Variants in MTERF3 observed in about 807,000 individuals in gnomAD.
The protein encoded by MTERF3 is mitochondrial transcription termination factor 3.
In MTERF3, 40 loss-of-function variants were observed where a neutral mutation model predicts 40.5. The ratio of observed to expected loss-of-function variants is 0.99; its 90% CI spans 0.77 to 1.29. The LOEUF is 1.29. MTERF3 is among the 50% of genes most tolerant of loss of function. The pLI is 0.00. For missense variants in MTERF3, 452 were observed against 478.2 expected, an observed-to-expected ratio of 0.95 and a Z score of 0.51; for synonymous variants, 158 against 166.6, an observed-to-expected ratio of 0.95 and a Z score of 0.40.
intron 2 of MTERF3, 76 bp downstream of exon 2, chr8:96,258,280 TA>T (rs1810316978): frequency 6.8e-7 from 1 of 1,465,274 alleles, no homozygotes; most frequent in African/African-American, 1.4e-5. Flanking sequence ...TGAAATGGGC[TA>T]GCAGAAGGTA....
chr8:96,246,655 T>C (rs1262723624), intron 4 of MTERF3, among the ~76,000 whole-genome samples: 1 of 152,180 alleles, frequency 6.6e-6, no homozygotes, highest in Non-Finnish European at 1.5e-5. Flanking sequence ...CTCTAGATGG[T>C]TTCCACTTAT....
intron 4 of MTERF3, among the ~76,000 whole-genome samples, chr8:96,248,745 T>G (rs1563547288): frequency 6.6e-6 from 1 of 152,164 alleles, no homozygotes; most frequent in Non-Finnish European, 1.5e-5. Context: ...TTTAAATAAT[T>G]AAAATGCGAC....
rs2129888127 is a variant in MTERF3 at position 96,246,313 on chromosome 8, C to T, written c.819G>A (p.Val273=). The change falls in exon 5 of 8, where the codon GTG becomes GTA. Residue 273 remains valine, a synonymous_variant. Coordinates refer to ENST00000287025, the MANE Select transcript of MTERF3 (RefSeq NM_015942.5). ...ATTCTCTCCTTTTCTTTACCTTCTT[C>T]ACACTAAGTTCAAGTTCTTTCTGAA... ...GFFQKELELS[V]KKTRDLVVRL... 6.3e-7 allele frequency: 1 copy of T among 1,596,252 alleles called. No individual in the cohort carries two copies.
chr8:96,247,886 G>GA (rs1304966578), intron 4 of MTERF3, among the ~76,000 whole-genome samples: 1 of 151,964 alleles, frequency 6.6e-6, no homozygotes, highest in African/African-American at 2.4e-5. Flanking sequence ...AACGTTTACC[G>GA]AAAAAGAAAA....
chr8:96,240,141 A>G (rs998313272), intron 7 of MTERF3, among the ~76,000 whole-genome samples: 1 of 151,906 alleles, frequency 6.6e-6, no homozygotes, highest in African/African-American at 2.4e-5. Context: ...CCAGCTACTC[A>G]GGAGGCTGAG....
At chr8:96,261,197 C>T (rs1180780413) in intron 1 of MTERF3, among the ~76,000 whole-genome samples, 2 of 152,200 alleles carry the variant, frequency 1.3e-5, no homozygotes, top group East Asian at 3.9e-4. Context: ...GTTATGGGGG[C>T]AGCTTCCTAA....
At position 96,250,668 on chromosome 8, in the gene MTERF3, GAAGAAGA is replaced by G. The variant is rs1563548980; in HGVS notation, c.677+231_677+237del. 2.9e-3 allele frequency among the ~76,000 whole-genome samples: 124 copies of G among 42,782 alleles called. 28 individuals carry two copies. Among genetic ancestry groups the G allele is most frequent in the African/African-American group, 0.012 (123 of 9,842 alleles). The allele number at this position is 42,782 out of a possible 152,430, so 28.1% of individuals were successfully genotyped here. A position where few individuals can be genotyped will look rare whatever the true frequency, so the allele number is the denominator to read the frequency against. ...AGAAGAAGAAGAAGAAGAAGAAGAA[GAAGAAGA>G]AGAAGAAGGAGGAGGAGGAGGGGGG... On this transcript the variant is annotated intron_variant, in intron 4 of 7. Coordinates refer to ENST00000287025, the MANE Select transcript of MTERF3 (RefSeq NM_015942.5).
rs1810322842 is a variant in MTERF3, at chr8:96,258,524, C to A, written c.167G>T (p.Trp56Leu). 6.2e-7 allele frequency: 1 copy of A among 1,613,984 alleles called. No individual in the cohort carries two copies. The highest frequency in any genetic ancestry group is 1.3e-5 in the African/African-American group (1 of 74,908). ...QISSDNCFLQ[W>L]GFKTYRTSSL... ...GGAAGTCCTGTAAGTCTTAAATCCC[C>A]ACTGGAGAAAGCAATTGTCAGAGGA... Residue 56 changes from tryptophan (W) to leucine (L), a missense_variant, in exon 2 of 8, where the codon TGG (tryptophan) becomes TTG (leucine). By Grantham distance (61) the Trp-to-Leu change is moderately conservative. Coordinates refer to ENST00000287025, the MANE Select transcript of MTERF3 (RefSeq NM_015942.5).
intron 7 of MTERF3, among the ~76,000 whole-genome samples, chr8:96,240,328 C>G (rs767414802): frequency 1.1e-4 from 16 of 151,750 alleles, no homozygotes; most frequent in Non-Finnish European, 7.4e-5. Context: ...ACCCAGAAAT[C>G]TGTCTTAACA....
chr8:96,247,010 T>TTGGGCACTCA (rs1563546490), intron 4 of MTERF3, among the ~76,000 whole-genome samples: 2 of 152,306 alleles, frequency 1.3e-5, no homozygotes, highest in East Asian at 3.9e-4. Flanking sequence ...TCCCGCTCTG[T>TTGGGCACTCA]TGCCCAGGCT....
chr8:96,239,687 T>A lies in MTERF3; in HGVS notation c.1060-2A>T. On this transcript the variant is annotated splice_acceptor_variant, in intron 7 of 7. Coordinates refer to ENST00000287025, the MANE Select transcript of MTERF3 (RefSeq NM_015942.5). LOFTEE classifies it high-confidence loss of function. ...CTTAAACAGCCTTGTATTAAATACC[T>A]AGAAAAGAAAAAAAAGTTTTTAAAA... 6.4e-7 allele frequency: 1 copy of A among 1,568,006 alleles called. No individual in the cohort carries two copies. Among genetic ancestry groups the A allele is most frequent in the Admixed American group, 2.1e-5 (1 of 46,598 alleles).
intron 4 of MTERF3, among the ~76,000 whole-genome samples, chr8:96,250,534 A>G (rs112621423): frequency 0.32 from 46,884 of 145,046 alleles, 8,865 homozygotes; most frequent in Non-Finnish European, 0.4. Context: ...AATGTGGCGA[A>G]ACCCCATCTC....
chr8:96,247,906 T>TA (rs1810052070), intron 4 of MTERF3, among the ~76,000 whole-genome samples: 1 of 152,078 alleles, frequency 6.6e-6, no homozygotes, highest in African/African-American at 2.4e-5. Context: ...AAAGCCTGAT[T>TA]AAAAAATAGC....
intron 3 of MTERF3, among the ~76,000 whole-genome samples, chr8:96,251,751 C>CA (rs887805207): frequency 1.0e-4 from 15 of 149,988 alleles, no homozygotes; most frequent in Non-Finnish European, 1.8e-4. Flanking sequence ...ATCACACAGT[C>CA]AAAAAAAAAT....
At chr8:96,257,167 TC>T (rs1209010895) in intron 2 of MTERF3, 53 bp from the exon 3 acceptor site, 1 of 1,522,952 alleles carries the variant, frequency 6.6e-7, no homozygotes, top group Non-Finnish European at 8.9e-7. Context: ...TAAAACTATT[TC>T]TGCAAAGACC....
At chr8:96,251,538 A>C (rs1810185357) in intron 3 of MTERF3, among the ~76,000 whole-genome samples, 1 of 152,224 alleles carries the variant, frequency 6.6e-6, no homozygotes, top group South Asian at 2.1e-4. Flanking sequence ...AAATATGTTT[A>C]TGATTCCCAT....
intron 4 of MTERF3, among the ~76,000 whole-genome samples, chr8:96,248,390 C>T (rs937405569): frequency 1.3e-5 from 2 of 152,130 alleles, no homozygotes; most frequent in African/African-American, 4.8e-5. Context: ...AAAGAATAGG[C>T]AGCACCAAGA....
chr8:96,249,559 C>A (rs750261072), intron 4 of MTERF3, among the ~76,000 whole-genome samples: 13 of 152,100 alleles, frequency 8.5e-5, no homozygotes, highest in Non-Finnish European at 1.9e-4. Context: ...CTCAAATGTT[C>A]AATTTAATAA....
intron 4 of MTERF3, among the ~76,000 whole-genome samples, chr8:96,249,737 T>G (rs1810089267): frequency 6.6e-6 from 1 of 152,084 alleles, no homozygotes; most frequent in African/African-American, 2.4e-5. Context: ...ATTGCAGTAA[T>G]CTTGGTGTGA....
Sources: gnomAD v4.1 joint callset for allele counts (sites outside exome capture counted in the v4.1 genomes callset) on GRCh38, gnomAD v4.1.1 for gene constraint, MANE v1.5 for transcripts, NCBI Gene and HGNC (gene_info 2026-07-23, HGNC 2026-07-21) for gene names.